Variants in PDE4D observed in about 807,000 individuals in gnomAD.
The protein encoded by PDE4D is 3',5'-cyclic-AMP phosphodiesterase 4D.
PDE4D carries 24 observed loss-of-function variants against 87.4 expected under a neutral mutation model. The observed-to-expected ratio is 0.27, with a 90% CI of 0.20 to 0.39. The LOEUF (loss-of-function observed/expected upper bound fraction) is 0.39. Among genes scored for constraint, PDE4D ranks in the 10% least tolerant of loss-of-function variants. The pLI is 1.00. For synonymous variants in PDE4D, 384 were observed against 383.2 expected, an observed-to-expected ratio of 1.00 and a Z score of -0.02; for missense variants, 714 against 1,041.0, an observed-to-expected ratio of 0.69 and a Z score of 4.32.
chr5:60,149,767 GTGTGTACATATATGTATATATAATTA>G (rs1562153776), intron 2 of PDE4D, among the ~76,000 whole-genome samples: 1 of 149,610 alleles, frequency 6.7e-6, no homozygotes, highest in African/African-American at 2.4e-5. Flanking sequence ...CATCCTATAT[GTGTGTACATATATGTATATATAATTA>G]TATATACTAG....
In PDE4D at chr5:59,071,543, T is replaced by TG. The variant is rs71578629; in HGVS notation, c.809-32573dup. 3.2e-3 allele frequency among the ~76,000 whole-genome samples: 341 copies of TG among 106,568 alleles called. 1 individual carries two copies. The highest frequency in any genetic ancestry group is 4.6e-3 in the Non-Finnish European group (270 of 58,928). 69.9% of individuals were successfully genotyped at this position (106,568 alleles called of 152,430 possible). ...AGAGCTCTTTTCCTATTCTCTGAGT[T>TG]GTTTTTTTTTTTTCCATAGCATCTG... On this transcript the variant is annotated intron_variant, in intron 5 of 14. Transcript: ENST00000340635.
At position 59,927,704 on chromosome 5, in the gene PDE4D, G is replaced by A. The variant is rs866780238; in HGVS notation, c.272+60784C>T. On this transcript the variant is annotated intron_variant, in intron 3 of 16. Coordinates refer to the PDE4D transcript ENST00000502484. ...GAGGAAGGTAAATGGGAAACATATG[G>A]AAACAGAAATGTAACCAAAAGTTCT... 2.0e-5 allele frequency among the ~76,000 whole-genome samples: 3 copies of A among 152,138 alleles called. No homozygotes were observed. The South Asian group carries it at 6.2e-4, about 31-fold the overall frequency.
chr5:60,075,682 T>C (rs1773209707), intron 2 of PDE4D, among the ~76,000 whole-genome samples: 1 of 152,206 alleles, frequency 6.6e-6, no homozygotes, highest in South Asian at 2.1e-4. Flanking sequence ...TAATATCTTA[T>C]TTCTTGGAGG....
intron 1 of PDE4D, among the ~76,000 whole-genome samples, chr5:60,296,664 T>C (rs779499506): frequency 1.3e-5 from 2 of 152,170 alleles, no homozygotes; most frequent in Non-Finnish European, 2.9e-5. Flanking sequence ...TGCAGCACTT[T>C]TCACAACAGC....
intron 1 of PDE4D, among the ~76,000 whole-genome samples, chr5:59,327,382 T>C (rs1775907390): frequency 6.6e-6 from 1 of 152,042 alleles, no homozygotes; most frequent in African/African-American, 2.4e-5. Context: ...GAGGCTTTCC[T>C]GGGTCAATAA....
chr5:60,287,450 C>T (rs1752519512), intron 1 of PDE4D, among the ~76,000 whole-genome samples: 1 of 152,180 alleles, frequency 6.6e-6, no homozygotes. Flanking sequence ...TGCGGGAAGG[C>T]TCTTCAAAGA....
chr5:59,022,886 C>A (rs1446099133), intron 6 of PDE4D, among the ~76,000 whole-genome samples: 3 of 152,136 alleles, frequency 2.0e-5, no homozygotes, highest in Non-Finnish European at 4.4e-5. Flanking sequence ...TTTGAAAATA[C>A]AACCAGAGGT....
At chr5:60,185,026 G>A (rs1162051365) in intron 2 of PDE4D, among the ~76,000 whole-genome samples, 1 of 151,974 alleles carries the variant, frequency 6.6e-6, no homozygotes, top group Non-Finnish European at 1.5e-5. Context: ...TACATAATTG[G>A]AAATAAGGTT....
chr5:59,408,231 G>GGTCCATCCA (rs564961185), intron 1 of PDE4D, among the ~76,000 whole-genome samples: 6 of 152,186 alleles, frequency 3.9e-5, no homozygotes, highest in Non-Finnish European at 8.8e-5. Flanking sequence ...CTTGCATCAT[G>GGTCCATCCA]GTCCATCCAG....
At chr5:59,684,234 T>C (rs184500697) in intron 1 of PDE4D, among the ~76,000 whole-genome samples, 23 of 152,258 alleles carry the variant, frequency 1.5e-4, no homozygotes, top group African/African-American at 5.1e-4. Context: ...CCTTCTTCTG[T>C]CTCCTCATAT....
At chr5:59,143,070 TTTTA>T (rs1185079765) in intron 5 of PDE4D, among the ~76,000 whole-genome samples, 7 of 152,058 alleles carry the variant, frequency 4.6e-5, no homozygotes, top group Admixed American at 4.6e-4. Flanking sequence ...TGAAGTTACT[TTTTA>T]TTTCCTTTCT....
chr5:59,599,283 G>T (rs938469779), intron 1 of PDE4D, among the ~76,000 whole-genome samples: 4 of 149,330 alleles, frequency 2.7e-5, no homozygotes, highest in Non-Finnish European at 5.9e-5. Flanking sequence ...GTGCAATGGC[G>T]CAATCTTGGC....
chr5:59,190,805 A>T lies in PDE4D; in HGVS notation c.684+2695T>A, dbSNP rs1032958109. Reference sequence around the variant, plus strand: ...ACCCCTCCCCACAGATGCTCTATGAAGAGTGGTGAAACTCTTCAGGGCTTA... The same window carrying T: ...ACCCCTCCCCACAGATGCTCTATGATGAGTGGTGAAACTCTTCAGGGCTTA... On this transcript the variant is annotated intron_variant, in intron 3 of 14. Transcript: ENST00000340635. Among the ~76,000 whole-genome samples the T allele has an allele frequency of 7.2e-5, 11 of 152,096 alleles. No individual in the cohort carries two copies. In the South Asian group the frequency reaches 2.1e-3, roughly 29 times the overall value.
At chr5:59,032,423 T>C (rs1207026174) in intron 6 of PDE4D, among the ~76,000 whole-genome samples, 1 of 152,008 alleles carries the variant, frequency 6.6e-6, no homozygotes. Flanking sequence ...CTACTCAAAA[T>C]ACAAAAATTA....
intron 3 of PDE4D, among the ~76,000 whole-genome samples, chr5:59,935,801 G>T (rs1756501028): frequency 1.3e-5 from 2 of 152,036 alleles, no homozygotes; most frequent in South Asian, 4.2e-4. Context: ...ATTTTTTATG[G>T]CTGCATAGTA....
chr5:59,972,187 CT>C (rs1262961879), intron 3 of PDE4D, among the ~76,000 whole-genome samples: 2 of 152,198 alleles, frequency 1.3e-5, no homozygotes, highest in African/African-American at 4.8e-5. Context: ...CTCCCTCTGT[CT>C]GCCAGAGGGG....
chr5:59,651,447 G>C (rs901715130), intron 1 of PDE4D, among the ~76,000 whole-genome samples: 1 of 150,848 alleles, frequency 6.6e-6, no homozygotes, highest in African/African-American at 2.4e-5. Flanking sequence ...CTTTAACACC[G>C]AGTGAAAAAA....
chr5:59,326,857 T>G (rs1775765165), intron 1 of PDE4D, among the ~76,000 whole-genome samples: 1 of 152,118 alleles, frequency 6.6e-6, no homozygotes, highest in South Asian at 2.1e-4. Flanking sequence ...CTAAATTCCT[T>G]TCCAATTCGC....
chr5:60,420,954 A>C (rs1271924552), intron 1 of PDE4D, among the ~76,000 whole-genome samples: 1 of 152,144 alleles, frequency 6.6e-6, no homozygotes, highest in Non-Finnish European at 1.5e-5. Flanking sequence ...TCTGAGATTG[A>C]CCTGCGAGGC....
Sources: allele counts gnomAD v4.1 joint callset (sites outside exome capture counted in the v4.1 genomes callset), GRCh38; gene constraint gnomAD v4.1.1; transcripts MANE v1.5; gene names NCBI Gene and HGNC (gene_info 2026-07-23, HGNC 2026-07-21).